The following EXD3 variants were observed in gnomAD, a reference collection of about 807,000 sequenced individuals.
The protein encoded by EXD3 is exonuclease 3'-5' domain containing 3, also known as exonuclease mut-7 homolog.
In EXD3, 92 loss-of-function variants were observed where a neutral mutation model predicts 98.0. That is an observed-to-expected ratio of 0.94 (90% CI 0.79 to 1.12). The LOEUF (loss-of-function observed/expected upper bound fraction) is 1.12. Ranked by LOEUF, EXD3 falls within the 50% of genes most tolerant of loss-of-function variation. The pLI is 0.00. For synonymous variants in EXD3, 569 were observed against 526.0 expected, an observed-to-expected ratio of 1.08 and a Z score of -1.12; for missense variants, 1,222 against 1,191.6, an observed-to-expected ratio of 1.03 and a Z score of -0.38.
At chr9:137,381,800 T>G (rs2131716457) in intron 3 of EXD3, among the ~76,000 whole-genome samples, 1 of 152,212 alleles carries the variant, frequency 6.6e-6, no homozygotes, top group African/African-American at 2.4e-5. Flanking sequence ...GGCTCTAGGG[T>G]TGGGCTTCTC....
At chr9:137,382,189 C>CGCGT (rs1477524713) in intron 3 of EXD3, among the ~76,000 whole-genome samples, 9 of 33,864 alleles carry the variant, frequency 2.7e-4, no homozygotes, top group Non-Finnish European at 4.5e-4. Context: ...TGAGGGCGCG[C>CGCGT]GGAGGAGGTG....
At chr9:137,365,983 C>T (rs1835229548) in intron 7 of EXD3, 1 of 559,060 alleles carries the variant, frequency 1.8e-6, no homozygotes, top group Non-Finnish European at 3.4e-6. Flanking sequence ...CAGAGACACA[C>T]ACATGCACAC....
chr9:137,354,582 G>GA, intron 9 of EXD3, 118 bp downstream of exon 9: 1 of 1,548,008 alleles, frequency 6.5e-7, no homozygotes, highest in Non-Finnish European at 8.7e-7. Flanking sequence ...TCTGGGGCAA[G>GA]AAGCAGCTCC....
chr9:137,415,515 C>T (rs908676196), intron 1 of EXD3, among the ~76,000 whole-genome samples: 1 of 152,200 alleles, frequency 6.6e-6, no homozygotes, highest in Non-Finnish European at 1.5e-5. Context: ...TTGAAGGACA[C>T]CTTCCCTGTT....
chr9:137,395,475 A>G lies in EXD3; in HGVS notation c.-47-71T>C, dbSNP rs1837167981. The G allele has an allele frequency of 1.4e-6, 2 of 1,447,154 alleles. No individual in the cohort carries two copies. Among genetic ancestry groups the G allele is most frequent in the Middle Eastern group, 1.7e-4 (1 of 5,756 alleles). 89.6% of individuals were successfully genotyped at this position (1,447,154 alleles called of 1,614,324 possible). A position where few individuals can be genotyped will look rare whatever the true frequency, so the allele number is the denominator to read the frequency against. The stretch of plus-strand genomic sequence containing the variant: ...GCAGCCATGCAGAGCCCACGCCCAC[A>G]GCCCCTGGAGGTGGTGGAGGGAGCT... On this transcript the variant is annotated intron_variant, in intron 1 of 21. Coordinates refer to ENST00000340951, the MANE Select transcript of EXD3 (RefSeq NM_017820.5). This position sits in a 1 kb window ranked among gnomAD's most constrained non-coding sequence, Gnocchi z 6.5.
At chr9:137,399,277 G>A (rs1349731511) in intron 1 of EXD3, among the ~76,000 whole-genome samples, 1 of 152,324 alleles carries the variant, frequency 6.6e-6, no homozygotes, top group East Asian at 1.9e-4. Context: ...GATCCCAGCA[G>A]GACGGACATG....
Position 137,371,999 on chromosome 9 carries a change from G to A in EXD3, c.462+906C>T, listed in dbSNP as rs1341048791. Among the ~76,000 whole-genome samples, 1 of 152,144 alleles carries A rather than the reference G, an allele frequency of 6.6e-6. No homozygotes were observed. Among genetic ancestry groups the A allele is most frequent in the Non-Finnish European group, 1.5e-5 (1 of 68,018 alleles). On this transcript the variant is annotated intron_variant, in intron 5 of 21. Coordinates refer to ENST00000340951, the MANE Select transcript of EXD3 (RefSeq NM_017820.5). The surrounding 1 kb of genome is among the most constrained non-coding windows in gnomAD (Gnocchi z 8.0). ...CAGCTTGGCCAGGCTCAGGACGACG[G>A]GGCTGTGATGCTAGACCTGGTCTTC...
chr9:137,328,610 GGCT>G (rs1832652462), intron 17 of EXD3, among the ~76,000 whole-genome samples: 2 of 88,946 alleles, frequency 2.2e-5, no homozygotes, highest in Non-Finnish European at 4.0e-5. Context: ...GACTACACGG[GGCT>G]ACACGGGACT....
chr9:137,412,735 A>G (rs1046289367), intron 1 of EXD3, among the ~76,000 whole-genome samples: 15 of 152,234 alleles, frequency 9.9e-5, no homozygotes, highest in Admixed American at 7.9e-4. Context: ...CACTGTGTCC[A>G]CTGGCTTCAA....
At chr9:137,367,872 T>G in intron 6 of EXD3, 64 bp downstream of exon 6, 2 of 1,507,600 alleles carry the variant, frequency 1.3e-6, no homozygotes, top group Non-Finnish European at 1.8e-6. Flanking sequence ...ACAAACACTG[T>G]TTATAGAGAC....
At chr9:137,404,821 T>C (rs529350399) in intron 1 of EXD3, among the ~76,000 whole-genome samples, 13 of 151,676 alleles carry the variant, frequency 8.6e-5, no homozygotes, top group Middle Eastern at 3.4e-3. Context: ...GGTCGCACCA[T>C]TGCACTCCAG....
intron 7 of EXD3, among the ~76,000 whole-genome samples, chr9:137,364,814 G>A (rs1835142540): frequency 7.0e-6 from 1 of 142,748 alleles, no homozygotes; most frequent in African/African-American, 2.6e-5. Flanking sequence ...TGTCGCCCAG[G>A]CTGCAGTGCA....
chr9:137,386,898 C>T (rs1202237080), intron 2 of EXD3, among the ~76,000 whole-genome samples: 8 of 136,758 alleles, frequency 5.8e-5, no homozygotes, highest in African/African-American at 2.1e-4. Flanking sequence ...CCTGCCTGGC[C>T]CCCTCAGCAC....
chr9:137,307,096 A>C lies in EXD3; in HGVS notation c.2485T>G (p.Phe829Val), dbSNP rs1279824925. The change falls in exon 22 of 22, where the codon TTC becomes GTC. Residue 829 changes from phenylalanine (F) to valine (V), a missense_variant. Phe to Val is a conservative substitution (Grantham distance 50). Coordinates refer to ENST00000340951, the MANE Select transcript of EXD3 (RefSeq NM_017820.5). The part of the protein sequence containing the change: ...GVLRTPGLRC[F>V]YCCTGCGKVF... ...TTTCCACAGCCCGTGCAGCAGTAGA[A>C]GCACCGCAGCCCAGGTGTCCTCAGC... 6.2e-7 allele frequency: 1 copy of C among 1,610,070 alleles called. No individual in the cohort carries two copies. The highest frequency in any genetic ancestry group is 8.5e-7 in the Non-Finnish European group (1 of 1,178,844).
intron 1 of EXD3, among the ~76,000 whole-genome samples, chr9:137,422,552 T>C (rs1227980547): frequency 6.6e-6 from 1 of 152,232 alleles, no homozygotes; most frequent in African/African-American, 2.4e-5. Flanking sequence ...GCCTCTGTTT[T>C]GTTCTCCGTT....
In EXD3 at chr9:137,373,580, C is replaced by T. The variant is rs772998306; in HGVS notation, c.140G>A (p.Arg47Gln). The stretch of plus-strand genomic sequence containing the variant: ...GGGGTCGTCCAAGGCAGCAAACCCC[C>T]GCCAGGCTTCCTCCCGGAGCTGTGG... ...ERKQLREEAW[R>Q]GFAALDDPLA... The change falls in exon 4 of 22, where the codon CGG becomes CAG. Residue 47 changes from arginine to glutamine, a missense_variant. By Grantham distance (43) the Arg-to-Gln change is conservative. Coordinates refer to ENST00000340951, the MANE Select transcript of EXD3 (RefSeq NM_017820.5). 9.4e-6 allele frequency: 15 copies of T among 1,602,154 alleles called. No homozygotes were observed. Among genetic ancestry groups the T allele is most frequent in the African/African-American group, 1.3e-5 (1 of 74,690 alleles).
At chr9:137,328,731 ACTACACGGGG>A (rs199703756) in intron 17 of EXD3, among the ~76,000 whole-genome samples, 1 of 32,244 alleles carries the variant, frequency 3.1e-5, no homozygotes. Context: ...ACTACACGGG[ACTACACGGGG>A]CTACACGGGA....
In EXD3 at chr9:137,369,953, C is replaced by T. The variant is rs981796020; in HGVS notation, c.463-1964G>A. ...CAGGTGGGCTTTCTGGACATGCAGG[C>T]GTCCTGGGGCCCCCAGCATCTGTGT... is the stretch of plus-strand genomic sequence containing the variant. On this transcript the variant is annotated intron_variant, in intron 5 of 21. Coordinates refer to ENST00000340951, the MANE Select transcript of EXD3 (RefSeq NM_017820.5). Among the ~76,000 whole-genome samples the T allele has an allele frequency of 5.9e-5, 9 of 152,346 alleles. No homozygotes were observed. The South Asian group carries it at 8.3e-4, about 14-fold the overall frequency.
intron 17 of EXD3, among the ~76,000 whole-genome samples, chr9:137,346,403 C>A (rs577955143): frequency 1.6e-4 from 24 of 151,978 alleles, no homozygotes; most frequent in Non-Finnish European, 2.8e-4. Context: ...GAATAAATAC[C>A]AACTAACCCC....
Sources: allele counts gnomAD v4.1 joint callset (sites outside exome capture counted in the v4.1 genomes callset), GRCh38; gene constraint gnomAD v4.1.1; non-coding constraint Gnocchi (gnomAD v3.1); transcripts MANE v1.5; gene names NCBI Gene and HGNC (gene_info 2026-07-23, HGNC 2026-07-21).